The following KIF16B variants were observed in gnomAD, a reference collection of about 807,000 sequenced individuals.
KIF16B encodes the protein kinesin family member 16B, also known as kinesin-like protein KIF16B.
Under a neutral mutation model 156.3 loss-of-function variants are expected in KIF16B, and 98 were observed. The observed-to-expected ratio is 0.63, with a 90% CI of 0.53 to 0.74. KIF16B has a LOEUF of 0.74. Among genes scored for constraint, KIF16B ranks in the 30% least tolerant of loss-of-function variants. The pLI is 0.00. For missense variants in KIF16B, 1,421 were observed against 1,606.5 expected (o/e 0.88, Z 1.97); for synonymous variants, 564 against 583.7 (o/e 0.97, Z 0.49).
chr20:16,483,403 A>G (rs1459586282), intron 12 of KIF16B, among the ~76,000 whole-genome samples: 1 of 152,270 alleles, frequency 6.6e-6, no homozygotes. Context: ...AAGTAACACC[A>G]GCTTGTATCT....
chr20:16,484,144 T>C lies in KIF16B; in HGVS notation c.1302+10147A>G, dbSNP rs559109001. The stretch of plus-strand genomic sequence containing the variant: ...GATAATTTATGGCATGGCACCAACA[T>C]TTAACATGGTGCACATGAATTATTT... On this transcript the variant is annotated intron_variant, in intron 12 of 25. Coordinates refer to ENST00000354981, the MANE Select transcript of KIF16B (RefSeq NM_024704.5). 5.3e-5 allele frequency among the ~76,000 whole-genome samples: 8 copies of C among 152,326 alleles called. No individual in the cohort carries two copies. The South Asian group carries it at 1.5e-3, about 28-fold the overall frequency.
intron 25 of KIF16B, among the ~76,000 whole-genome samples, chr20:16,289,847 A>C (rs1191493326): frequency 3.3e-5 from 5 of 152,230 alleles, no homozygotes; most frequent in African/African-American, 1.2e-4. Flanking sequence ...TCTCAAAAAC[A>C]AACAAAGAAA....
chr20:16,507,918 C>A, intron 7 of KIF16B, 40 bp downstream of exon 7: 1 of 1,611,786 alleles, frequency 6.2e-7, no homozygotes, highest in Non-Finnish European at 8.5e-7. Flanking sequence ...CAAGTAAAGA[C>A]CTCAGGGATG....
intron 10 of KIF16B, among the ~76,000 whole-genome samples, chr20:16,498,915 C>G (rs2068534516): frequency 1.4e-5 from 2 of 138,476 alleles, no homozygotes; most frequent in Admixed American, 7.4e-5. Flanking sequence ...AGGTGATCTT[C>G]TTCGGCACTG....
chr20:16,517,720 G>A (rs1224312003), intron 3 of KIF16B, among the ~76,000 whole-genome samples: 1 of 152,124 alleles, frequency 6.6e-6, no homozygotes, highest in Non-Finnish European at 1.5e-5. Context: ...ACCAGTTGGA[G>A]GCTCATTTTC....
chr20:16,353,279 C>G lies in KIF16B; in HGVS notation c.3621+3051G>C, dbSNP rs116356705. Among the ~76,000 whole-genome samples, 5 of 152,014 alleles carry G rather than the reference C, an allele frequency of 3.3e-5. No homozygotes were observed. The East Asian group carries it at 7.7e-4, about 23-fold the overall frequency. On this transcript the variant is annotated intron_variant, in intron 23 of 25. Coordinates refer to ENST00000354981, the MANE Select transcript of KIF16B (RefSeq NM_024704.5). ...TATTTGTTCTAGAAAACAGGGCCTA[C>G]GCATGAAATGTCCAAATGACTGAGA...
intron 3 of KIF16B, among the ~76,000 whole-genome samples, chr20:16,522,830 C>T (rs1001579749): frequency 6.6e-6 from 1 of 152,176 alleles, no homozygotes; most frequent in African/African-American, 2.4e-5. Flanking sequence ...TCTCAAACCA[C>T]ACTGCAATCA....
At chr20:16,291,293 T>C (rs574571893) in intron 25 of KIF16B, among the ~76,000 whole-genome samples, 1 of 152,350 alleles carries the variant, frequency 6.6e-6, no homozygotes, top group South Asian at 2.1e-4. Context: ...AGCCACACTC[T>C]AGAAACTCTT....
intron 23 of KIF16B, among the ~76,000 whole-genome samples, chr20:16,339,899 T>C (rs771960945): frequency 6.6e-5 from 10 of 152,222 alleles, no homozygotes; most frequent in Non-Finnish European, 1.0e-4. Flanking sequence ...TCCTTGCTTA[T>C]AGTCTTGCCT....
At chr20:16,411,375 T>C (rs1392177463) in intron 15 of KIF16B, among the ~76,000 whole-genome samples, 1 of 152,082 alleles carries the variant, frequency 6.6e-6, no homozygotes, top group Non-Finnish European at 1.5e-5. Flanking sequence ...AGGTCATATA[T>C]GATGGCCACT....
intron 24 of KIF16B, among the ~76,000 whole-genome samples, chr20:16,334,235 AAT>A (rs1948808998): frequency 6.6e-6 from 1 of 152,218 alleles, no homozygotes; most frequent in African/African-American, 2.4e-5. Context: ...AGTTTAATTA[AAT>A]ACGCAAAATC....
At chr20:16,526,321 A>T (rs1431932471) in intron 2 of KIF16B, 116 bp from the exon 3 acceptor site, 2 of 461,508 alleles carry the variant, frequency 4.3e-6, no homozygotes, top group African/African-American at 2.0e-5. Context: ...CTTCTCTAAA[A>T]AAATAAATAA....
At chr20:16,392,487 C>G (rs1445895234) in intron 17 of KIF16B, among the ~76,000 whole-genome samples, 1 of 152,154 alleles carries the variant, frequency 6.6e-6, no homozygotes. Context: ...CTTGAAGATG[C>G]AAAAGAGATT....
Position 16,524,365 on chromosome 20 carries a change from G to A in KIF16B, c.231+1727C>T, listed in dbSNP as rs571149031. Among the ~76,000 whole-genome samples, 1,086 of 152,126 alleles carry A rather than the reference G, an allele frequency of 7.1e-3. 11 individuals are homozygous for A. The highest frequency in any genetic ancestry group is 0.025 in the African/African-American group (1,037 of 41,480). On this transcript the variant is annotated intron_variant, in intron 3 of 25. Coordinates refer to ENST00000354981, the MANE Select transcript of KIF16B (RefSeq NM_024704.5). Reference sequence around the variant, plus strand: ...CAACCCCATCAAAAAGTGGGCAAAGGATATGAACAGACACTTCTCAAAAGA... The same window carrying A: ...CAACCCCATCAAAAAGTGGGCAAAGAATATGAACAGACACTTCTCAAAAGA...
rs115647719 is a variant in KIF16B at position 16,452,398 on chromosome 20, A to G, written c.1303-22416T>C. ...AGTAAGTAAAACTGCCATAACCCCT[A>G]TAAGAAAAAAAAAAAAAACTATTGT... On this transcript the variant is annotated intron_variant, in intron 12 of 25. Transcript: ENST00000354981. Among the ~76,000 whole-genome samples, 828 of 151,776 alleles carry G rather than the reference A, an allele frequency of 5.5e-3. 5 individuals are homozygous for G. The highest frequency in any genetic ancestry group is 0.019 in the African/African-American group (770 of 41,372).
Position 16,380,063 on chromosome 20 carries a change from C to T in KIF16B, c.1939G>A (p.Val647Met), listed in dbSNP as rs780730892. ...VETQRKETEI[V>M]QLQIRKQEES... ...TCCTGCTTGCGAATCTGGAGCTGCA[C>T]GATTTCTGTCTCCTTGCGCTGGGTC... The change falls in exon 19 of 26, where the codon GTG becomes ATG. Residue 647 changes from valine (V) to methionine (M), a missense_variant. Transcript: ENST00000354981. 1.2e-5 allele frequency: 18 copies of T among 1,556,030 alleles called. No homozygotes were observed. Among genetic ancestry groups the T allele is most frequent in the Non-Finnish European group, 1.1e-5 (13 of 1,156,108 alleles).
At chr20:16,474,226 C>T (rs2067743986) in intron 12 of KIF16B, among the ~76,000 whole-genome samples, 1 of 152,174 alleles carries the variant, frequency 6.6e-6, no homozygotes, top group African/African-American at 2.4e-5. Context: ...TTGACCACGC[C>T]CCCCTTTGTG....
At chr20:16,292,197 T>C (rs1037901071) in intron 25 of KIF16B, among the ~76,000 whole-genome samples, 1 of 152,312 alleles carries the variant, frequency 6.6e-6, no homozygotes, top group Middle Eastern at 3.4e-3. Flanking sequence ...TAAATGTAAA[T>C]GCATTGCAGG....
At chr20:16,511,341 T>C in intron 6 of KIF16B, 77 bp downstream of exon 6, 2 of 779,178 alleles carry the variant, frequency 2.6e-6, no homozygotes, top group Non-Finnish European at 2.1e-6. Flanking sequence ...CTCACCATTA[T>C]GCTATATTTT....
Sources: allele counts gnomAD v4.1 joint callset (sites outside exome capture counted in the v4.1 genomes callset), GRCh38; gene constraint gnomAD v4.1.1; transcripts MANE v1.5; gene names NCBI Gene and HGNC (gene_info 2026-07-23, HGNC 2026-07-21).